RNASEH2B: variants seen among roughly 807,000 people sequenced by gnomAD.
RNASEH2B encodes Aicardi-Goutieres syndrome 2 protein.
In RNASEH2B, 36 loss-of-function variants were observed where a neutral mutation model predicts 45.0. The observed-to-expected ratio is 0.80, with a 90% CI of 0.61 to 1.06. The LOEUF is 1.06. RNASEH2B is among the 50% of genes least tolerant of loss of function. RNASEH2B has a pLI of 0.00. For synonymous variants in RNASEH2B, 119 were observed against 125.7 expected, an observed-to-expected ratio of 0.95 and a Z score of 0.35; for missense variants, 361 against 360.3, an observed-to-expected ratio of 1.00 and a Z score of -0.02.
intron 8 of RNASEH2B, chr13:50,948,298 T>C: frequency 1.7e-6 from 1 of 588,798 alleles, no homozygotes; most frequent in Non-Finnish European, 2.7e-6. Context: ...GAATTATGGC[T>C]TGGTCTGATT....
intron 1 of RNASEH2B, chr13:50,911,975 T>C (rs940562137): frequency 5.3e-5 from 8 of 152,230 alleles, no homozygotes; most frequent in African/African-American, 1.9e-4. Context: ...AATTAAATAT[T>C]GATTGTATCC....
intron 9 of RNASEH2B, chr13:50,953,700 G>C: frequency 1.7e-6 from 1 of 598,106 alleles, no homozygotes; most frequent in South Asian, 2.0e-5. Context: ...CATCACCAAG[G>C]CTGCTTCTTA....
At chr13:50,944,478 G>A (rs896404649) in intron 6 of RNASEH2B, among the ~76,000 whole-genome samples, 2 of 152,038 alleles carry the variant, frequency 1.3e-5, no homozygotes, top group Admixed American at 6.5e-5. Flanking sequence ...AGGAGGGAGA[G>A]CATTAGGACA....
chr13:50,920,792 T>G (rs1436297664), intron 1 of RNASEH2B, among the ~76,000 whole-genome samples: 1 of 152,152 alleles, frequency 6.6e-6, no homozygotes, highest in African/African-American at 2.4e-5. Context: ...TTTTATTGAG[T>G]TTTTTCTAAA....
chr13:50,922,845 G>A (rs1438883172), intron 1 of RNASEH2B, among the ~76,000 whole-genome samples: 9 of 152,086 alleles, frequency 5.9e-5, no homozygotes, highest in African/African-American at 2.2e-4. Flanking sequence ...GTCTCTGAAG[G>A]GGCTGAGATG....
chr13:50,960,245 A>G (rs1952097373), downstream of RNASEH2B: 1 of 579,048 alleles, frequency 1.7e-6, no homozygotes, highest in Non-Finnish European at 2.5e-6. Context: ...AAAATTTTCC[A>G]TTTTATTTAT....
At chr13:50,925,143 T>C (rs766023189) in intron 1 of RNASEH2B, among the ~76,000 whole-genome samples, 4 of 152,220 alleles carry the variant, frequency 2.6e-5, no homozygotes, top group Non-Finnish European at 5.9e-5. Flanking sequence ...GTCTTCAAGT[T>C]CATTAATCTT....
chr13:50,943,154 C>G (rs1275877987), intron 5 of RNASEH2B, 167 bp from the exon 6 acceptor site: 1 of 592,608 alleles, frequency 1.7e-6, no homozygotes, highest in Non-Finnish European at 3.0e-6. Context: ...CACATTACTA[C>G]TAACATTTAA....
rs551487259 is a variant in RNASEH2B at position 50,911,967 on chromosome 13, T to G, written c.64+1827T>G. On this transcript the variant is annotated intron_variant, in intron 1 of 10. Coordinates refer to ENST00000336617, the MANE Select transcript of RNASEH2B (RefSeq NM_024570.4). ...ATTAAACACAAAACCCTCAAAAGAA[T>G]TAAATATTGATTGTATCCCTGAAAA... 7 of 152,340 alleles carry G rather than the reference T, an allele frequency of 4.6e-5. No individual in the cohort carries two copies. In the East Asian group the frequency reaches 1.3e-3, roughly 29 times the overall value. 9.4% of individuals were successfully genotyped at this position (152,340 alleles called of 1,614,324 possible).
At chr13:50,910,500 T>C (rs947088637) in intron 1 of RNASEH2B, 1 of 202,782 alleles carries the variant, frequency 4.9e-6, no homozygotes, top group Non-Finnish European at 9.9e-6. Flanking sequence ...CTGGCCCTGC[T>C]TCTGTGATCC....
chr13:50,951,166 T>A (rs561313574), intron 9 of RNASEH2B: 82 of 152,372 alleles, frequency 5.4e-4, no homozygotes, highest in African/African-American at 1.9e-3. Context: ...CTATATTATT[T>A]GAGTTGCTTT....
rs1369063052 is a variant in RNASEH2B, at chr13:50,910,075, G to A, written c.-2G>A. 2 of 1,463,430 alleles carry A rather than the reference G, an allele frequency of 1.4e-6. No homozygotes were observed. The highest frequency in any genetic ancestry group is 1.3e-5 in the South Asian group (1 of 74,448). The allele number at this position is 1,463,430 out of a possible 1,614,324, so 90.7% of individuals were successfully genotyped here. ...TGCGGCGCCCCGGAAGAGGCGGGCG[G>A]CATGGCCGCTGGCGTGGACTGCGGG... On this transcript the variant is annotated 5_prime_UTR_variant, in exon 1 of 11. Transcript: ENST00000336617.
At chr13:50,958,528 A>G (rs1241212872), downstream of RNASEH2B, among the ~76,000 whole-genome samples, 2 of 151,840 alleles carry the variant, frequency 1.3e-5, no homozygotes, top group Non-Finnish European at 1.5e-5. Flanking sequence ...GTAATGTGAT[A>G]CCTCTGGCTT....
chr13:50,961,017 T>C (rs1235635283), downstream of RNASEH2B, among the ~76,000 whole-genome samples: 1 of 152,122 alleles, frequency 6.6e-6, no homozygotes, highest in Non-Finnish European at 1.5e-5. Flanking sequence ...TATTCTAATA[T>C]TTCTTTTTGA....
intron 9 of RNASEH2B, 60 bp from the exon 10 acceptor site, chr13:50,953,845 A>T: frequency 8.8e-7 from 1 of 1,140,226 alleles, no homozygotes; most frequent in Admixed American, 1.8e-5. Context: ...GTTTTTTTTT[A>T]ATGGATTGAT....
At chr13:50,931,939 T>C (rs1951685744) in intron 4 of RNASEH2B, among the ~76,000 whole-genome samples, 1 of 145,264 alleles carries the variant, frequency 6.9e-6, no homozygotes, top group African/African-American at 2.6e-5. Flanking sequence ...CTTCCAAATG[T>C]TGACACATCT....
chr13:50,955,225 T>G (rs1952029229), intron 10 of RNASEH2B: 1 of 152,240 alleles, frequency 6.6e-6, no homozygotes, highest in East Asian at 1.9e-4. Flanking sequence ...ACTTAGATTT[T>G]AAAAATACTA....
At chr13:50,969,835 C>T in intron 9 of RNASEH2B, 1 of 1,234,228 alleles carries the variant, frequency 8.1e-7, no homozygotes, top group Non-Finnish European at 1.2e-6. Flanking sequence ...ACCCGCCAGC[C>T]CTGCGTTCTG....
At chr13:50,946,059 C>A (rs926014020) in intron 7 of RNASEH2B, among the ~76,000 whole-genome samples, 5 of 152,136 alleles carry the variant, frequency 3.3e-5, no homozygotes, top group African/African-American at 1.2e-4. Flanking sequence ...TCTCAAGATG[C>A]ATGTTTCCTG....
Sources: gnomAD v4.1 joint callset for allele counts (sites outside exome capture counted in the v4.1 genomes callset) on GRCh38, gnomAD v4.1.1 for gene constraint, MANE v1.5 for transcripts, NCBI Gene and HGNC (gene_info 2026-07-23, HGNC 2026-07-21) for gene names.